The following RNF185 variants were observed in gnomAD, a reference collection of about 807,000 sequenced individuals.
The protein encoded by RNF185 is E3 ubiquitin-protein ligase RNF185.
RNF185 carries 13 observed loss-of-function variants against 24.9 expected under a neutral mutation model. The ratio of observed to expected loss-of-function variants is 0.52; its 90% CI spans 0.34 to 0.83. The LOEUF is 0.83. Ranked by LOEUF, RNF185 falls within the 40% of genes least tolerant of loss-of-function variation. The pLI is 0.01. For missense variants in RNF185, 184 were observed against 244.7 expected (o/e 0.75, Z 1.65); for synonymous variants, 79 against 90.3 (o/e 0.88, Z 0.71).
intron 3 of RNF185, 50 bp downstream of exon 3, chr22:31,192,752 AGAGAGCCCTAGTCTCAG>A (rs1241040590): frequency 1.3e-6 from 2 of 1,566,254 alleles, no homozygotes; most frequent in African/African-American, 2.7e-5. Context: ...TGGTTGCACA[AGAGAGCCCTAGTCTCAG>A]GAGACTGCTT....
intron 1 of RNF185, among the ~76,000 whole-genome samples, chr22:31,173,667 G>T (rs1237037455): frequency 6.6e-6 from 1 of 152,186 alleles, no homozygotes; most frequent in Non-Finnish European, 1.5e-5. Context: ...GGATGCTAAT[G>T]ATGATACAGT....
At chr22:31,192,588 T>TCCA in intron 2 of RNF185, 96 bp from the exon 3 acceptor site, 1 of 1,019,146 alleles carries the variant, frequency 9.8e-7, no homozygotes, top group Non-Finnish European at 1.6e-6. Flanking sequence ...CTACTACCAC[T>TCCA]CCACCCATCA....
chr22:31,205,398 T>G lies in RNF185; in HGVS notation c.*812T>G, dbSNP rs917105404. ...CCAGAGAACATACAGCCGAGAATAC[T>G]GCCGAAGCTGAGACTGACTACTGTG... On this transcript the variant is annotated 3_prime_UTR_variant, in exon 7 of 7. Transcript: ENST00000326132. The G allele has an allele frequency of 6.0e-6, 1 of 165,962 alleles. No homozygotes were observed. Among genetic ancestry groups the G allele is most frequent in the Non-Finnish European group, 1.5e-5 (1 of 68,126 alleles). The allele number at this position is 165,962 out of a possible 1,614,324, so 10.3% of individuals were successfully genotyped here. A position where few individuals can be genotyped will look rare whatever the true frequency, so the allele number is the denominator to read the frequency against.
At chr22:31,162,398 T>G (rs1186863168) in intron 1 of RNF185, among the ~76,000 whole-genome samples, 7 of 152,196 alleles carry the variant, frequency 4.6e-5, no homozygotes, top group African/African-American at 1.7e-4. Context: ...GACATTCTCA[T>G]AAGTATGTTC....
intron 1 of RNF185, among the ~76,000 whole-genome samples, chr22:31,171,315 G>A (rs975227555): frequency 6.6e-6 from 1 of 150,754 alleles, no homozygotes; most frequent in East Asian, 2.0e-4. Flanking sequence ...GATTACAGGC[G>A]CCCACCACTA....
chr22:31,169,607 C>T (rs756096012), intron 1 of RNF185, among the ~76,000 whole-genome samples: 2 of 151,900 alleles, frequency 1.3e-5, no homozygotes, highest in East Asian at 3.9e-4. Flanking sequence ...AGTGCAGTGG[C>T]GTGATCTCAG....
intron 5 of RNF185, among the ~76,000 whole-genome samples, chr22:31,198,604 G>A (rs2048230181): frequency 6.7e-6 from 1 of 150,116 alleles, no homozygotes; most frequent in African/African-American, 2.4e-5. Context: ...TCTCCATGTT[G>A]GTCAGGCTGG....
At chr22:31,167,610 C>CTTTT (rs150121453) in intron 1 of RNF185, among the ~76,000 whole-genome samples, 54 of 107,368 alleles carry the variant, frequency 5.0e-4, no homozygotes, top group Admixed American at 1.4e-3. Context: ...GGGTTTTTTC[C>CTTTT]TTTTTTTTTT....
chr22:31,163,656 T>TTTTA (rs60362805), intron 1 of RNF185, among the ~76,000 whole-genome samples: 17,050 of 140,958 alleles, frequency 0.12, 2,343 homozygotes, highest in African/African-American at 0.34. Flanking sequence ...TTTTATTTTA[T>TTTTA]TTTATTTATT....
At chr22:31,202,206 C>T (rs372351557) in intron 6 of RNF185, among the ~76,000 whole-genome samples, 1 of 152,050 alleles carries the variant, frequency 6.6e-6, no homozygotes, top group African/African-American at 2.4e-5. Flanking sequence ...AAGTGCCATC[C>T]GCATTCGGTA....
At position 31,189,751 on chromosome 22, in the gene RNF185, G is replaced by GCATACCACCA. The variant is rs1555882610; in HGVS notation, c.176+2483_176+2484insTACCACCACA. ...CTCCCGGGTAGCTGGGATTACAGGT[G>GCATACCACCA]CACCCAGCTAATTTTTGTATTTTTA... is the stretch of plus-strand genomic sequence containing the variant. On this transcript the variant is annotated intron_variant, in intron 2 of 6. Coordinates refer to ENST00000326132, the MANE Select transcript of RNF185 (RefSeq NM_152267.4). Among the ~76,000 whole-genome samples, 3 of 151,366 alleles carry GCATACCACCA rather than the reference G, an allele frequency of 2.0e-5. No individual in the cohort carries two copies. The East Asian group carries it at 5.9e-4, about 30-fold the overall frequency.
chr22:31,187,044 T>G lies in RNF185; in HGVS notation c.-48-3T>G. 3.8e-6 allele frequency: 6 copies of G among 1,563,018 alleles called. No homozygotes were observed. Among genetic ancestry groups the G allele is most frequent in the Non-Finnish European group, 5.2e-6 (6 of 1,157,092 alleles). ...GGACAGTCAAGAGTTCTCTGCCTTTTAGGATTTCCCTGGGGAAAGTCTTCA... is the reference window on the plus strand; with the variant it reads ...GGACAGTCAAGAGTTCTCTGCCTTTGAGGATTTCCCTGGGGAAAGTCTTCA... On this transcript the variant is annotated splice_polypyrimidine_tract_variant and splice_region_variant and intron_variant, in intron 1 of 6. Transcript: ENST00000326132.
At chr22:31,167,581 C>T (rs185697341) in intron 1 of RNF185, among the ~76,000 whole-genome samples, 1 of 145,168 alleles carries the variant, frequency 6.9e-6, no homozygotes, top group Admixed American at 6.9e-5. Flanking sequence ...AATGTATGAC[C>T]TTTTATGGAA....
intron 2 of RNF185, among the ~76,000 whole-genome samples, chr22:31,189,580 A>G (rs925254686): frequency 4.0e-5 from 6 of 150,166 alleles, no homozygotes; most frequent in African/African-American, 1.2e-4. Flanking sequence ...TACAGGCGTG[A>G]GCCACCATGC....
chr22:31,193,141 G>A (rs2048171989), intron 3 of RNF185, among the ~76,000 whole-genome samples: 2 of 152,160 alleles, frequency 1.3e-5, no homozygotes, highest in Non-Finnish European at 2.9e-5. Context: ...CACCTACTTG[G>A]TGAGACAGAG....
intron 1 of RNF185, among the ~76,000 whole-genome samples, chr22:31,172,211 G>A (rs766166128): frequency 3.2e-4 from 48 of 152,248 alleles, no homozygotes; most frequent in Non-Finnish European, 6.5e-4. Context: ...AACCTGGCCA[G>A]GTGTGGTGGC....
At chr22:31,180,965 G>A (rs1308438914) in intron 1 of RNF185, among the ~76,000 whole-genome samples, 1 of 150,014 alleles carries the variant, frequency 6.7e-6, no homozygotes, top group African/African-American at 2.5e-5. Context: ...GTGTCTGCCT[G>A]TCTGTCTGTG....
intron 1 of RNF185, among the ~76,000 whole-genome samples, chr22:31,171,630 G>A (rs892515681): frequency 6.6e-6 from 1 of 152,044 alleles, no homozygotes; most frequent in African/African-American, 2.4e-5. Flanking sequence ...TATCATTTTG[G>A]TTTTATCTTT....
At position 31,204,681 on chromosome 22, in the gene RNF185, T is replaced by A. The variant is rs1369948974; in HGVS notation, c.*95T>A. On this transcript the variant is annotated 3_prime_UTR_variant, in exon 7 of 7. Coordinates refer to ENST00000326132, the MANE Select transcript of RNF185 (RefSeq NM_152267.4). ...TGGCTTCCTGGCTAATCTTGACTCC[T>A]GGAATCAGTGGGATCAGTAACACAT... 1.3e-6 allele frequency: 1 copy of A among 755,240 alleles called. No homozygotes were observed. The highest frequency in any genetic ancestry group is 1.7e-5 in the African/African-American group (1 of 58,420). 46.8% of individuals were successfully genotyped at this position (755,240 alleles called of 1,614,324 possible). A position where few individuals can be genotyped will look rare whatever the true frequency, so the allele number is the denominator to read the frequency against.
Sources: gnomAD v4.1 joint callset for allele counts (sites outside exome capture counted in the v4.1 genomes callset) on GRCh38, gnomAD v4.1.1 for gene constraint, MANE v1.5 for transcripts, NCBI Gene and HGNC (gene_info 2026-07-23, HGNC 2026-07-21) for gene names.